PCDHGA3: variants seen among roughly 807,000 people sequenced by gnomAD.
The protein encoded by PCDHGA3 is protocadherin gamma subfamily A, 3, also known as protocadherin gamma-A3.
PCDHGA3 carries 40 observed loss-of-function variants against 58.5 expected under a neutral mutation model. That is an observed-to-expected ratio of 0.68 (90% CI 0.53 to 0.89). PCDHGA3 has a LOEUF of 0.89. PCDHGA3 is among the 40% of genes least tolerant of loss of function. PCDHGA3 has a pLI of 0.00. For synonymous variants in PCDHGA3, 530 were observed against 525.7 expected (o/e 1.01, Z -0.11); for missense variants, 1,223 against 1,195.9 (o/e 1.02, Z -0.33).
Position 141,343,891 on chromosome 5 carries a change from C to T in PCDHGA3, c.-143C>T. On this transcript the variant is annotated 5_prime_UTR_variant, in exon 1 of 4. Coordinates refer to ENST00000253812, the MANE Select transcript of PCDHGA3 (RefSeq NM_018916.4). ...ATCAGACTCAGAAGATCCGGGGCGG[C>T]TGCCAACCTCACCTCTTAGTCAACC... The T allele has an allele frequency of 1.4e-6, 1 of 710,658 alleles. No homozygotes were observed. The highest frequency in any genetic ancestry group is 2.2e-6 in the Non-Finnish European group (1 of 444,872). 44.0% of individuals were successfully genotyped at this position (710,658 alleles called of 1,614,324 possible). A position where few individuals can be genotyped will look rare whatever the true frequency, so the allele number is the denominator to read the frequency against.
Position 141,477,691 on chromosome 5 carries a change from A to G in PCDHGA3, c.2425-17116A>G, listed in dbSNP as rs1315811441. 6.2e-7 allele frequency: 1 copy of G among 1,614,188 alleles called. No homozygotes were observed. Among genetic ancestry groups the G allele is most frequent in the South Asian group, 1.1e-5 (1 of 91,090 alleles). On this transcript the variant is annotated intron_variant, in intron 1 of 3. Coordinates refer to ENST00000253812, the MANE Select transcript of PCDHGA3 (RefSeq NM_018916.4). This position sits in a 1 kb window ranked among gnomAD's most constrained non-coding sequence, Gnocchi z 4.9. ...GCATAGTGTCATCCTTAGTGCCCCT[A>G]GACTATGAGGATCGGCGGGAATTTG...
At chr5:141,450,006 C>CTT (rs1554136305) in intron 1 of PCDHGA3, among the ~76,000 whole-genome samples, 6 of 132,984 alleles carry the variant, frequency 4.5e-5, no homozygotes, top group East Asian at 2.2e-4. Flanking sequence ...TGCCATGTCT[C>CTT]TTTTTTTTTT....
At chr5:141,369,758 C>T (rs1027847213) in intron 1 of PCDHGA3, among the ~76,000 whole-genome samples, 1 of 152,184 alleles carries the variant, frequency 6.6e-6, no homozygotes, top group African/African-American at 2.4e-5. Context: ...TAAGAATACA[C>T]GTGAAGCTGA....
chr5:141,415,136 G>C (rs763832284), intron 1 of PCDHGA3: 1 of 1,613,548 alleles, frequency 6.2e-7, no homozygotes, highest in Admixed American at 1.7e-5. Flanking sequence ...CAGGACCACG[G>C]CCAGCCCCCT....
intron 1 of PCDHGA3, 96 bp from the exon 2 acceptor site, chr5:141,494,711 A>T (rs757105958): frequency 6.3e-7 from 1 of 1,599,616 alleles, no homozygotes; most frequent in Non-Finnish European, 8.5e-7. Context: ...CTCTGTGCCC[A>T]CTCCCCTCCT....
rs146372628 is a variant in PCDHGA3, at chr5:141,476,246, G to A, written c.2425-18561G>A. On this transcript the variant is annotated intron_variant, in intron 1 of 3. Coordinates refer to ENST00000253812, the MANE Select transcript of PCDHGA3 (RefSeq NM_018916.4). The surrounding 1 kb of genome is among the most constrained non-coding windows in gnomAD (Gnocchi z 7.6). ...TGAGATCCCGGAGGAAAGAGAGAAG[G>A]GTTTCGCTGTGGGCAACGTGGTCGC... 1.0e-3 allele frequency: 1,689 copies of A among 1,613,996 alleles called. 1 individual carries two copies. Among genetic ancestry groups the A allele is most frequent in the Non-Finnish European group, 1.3e-3 (1,557 of 1,180,008 alleles).
intron 1 of PCDHGA3, chr5:141,404,993 C>G (rs1159647700): frequency 6.2e-7 from 1 of 1,613,850 alleles, no homozygotes; most frequent in Non-Finnish European, 8.5e-7. Flanking sequence ...TCTTCAGATC[C>G]CTGCAGACCT....
rs770154641 is a variant in PCDHGA3, at chr5:141,372,296, C to T, written c.2424+25839C>T. ...TGCGCACGGCGCGTACCTTGGGCGA[C>T]AGGGAGGCCGCCCGCCAGCGCCTGC... On this transcript the variant is annotated intron_variant, in intron 1 of 3. Coordinates refer to ENST00000253812, the MANE Select transcript of PCDHGA3 (RefSeq NM_018916.4). 5 of 1,613,184 alleles carry T rather than the reference C, an allele frequency of 3.1e-6. No individual in the cohort carries two copies. The African/African-American group carries it at 5.3e-5, about 17-fold the overall frequency.
intron 1 of PCDHGA3, among the ~76,000 whole-genome samples, chr5:141,439,422 A>C (rs1476209707): frequency 6.6e-6 from 1 of 152,188 alleles, no homozygotes; most frequent in Non-Finnish European, 1.5e-5. Context: ...TGAGGTTATA[A>C]ATTCCCAGGA....
intron 1 of PCDHGA3, among the ~76,000 whole-genome samples, chr5:141,433,989 T>C (rs898601470): frequency 6.6e-6 from 1 of 152,248 alleles, no homozygotes; most frequent in Non-Finnish European, 1.5e-5. Context: ...AGAAGAGTTT[T>C]ATATTCTCTA....
At chr5:141,469,424 AC>A (rs1173507321) in intron 1 of PCDHGA3, among the ~76,000 whole-genome samples, 1 of 151,864 alleles carries the variant, frequency 6.6e-6, no homozygotes, top group East Asian at 1.9e-4. Context: ...AAAATATAAA[AC>A]TTAGCTGGGC....
chr5:141,390,437 T>C (rs1182289355), intron 1 of PCDHGA3: 42 of 933,186 alleles, frequency 4.5e-5, no homozygotes, highest in Non-Finnish European at 6.5e-5. Flanking sequence ...CATATCATTC[T>C]ACAAAGGAGG....
At chr5:141,421,966 G>A in intron 1 of PCDHGA3, 1 of 1,610,918 alleles carries the variant, frequency 6.2e-7, no homozygotes, top group Non-Finnish European at 8.5e-7. Flanking sequence ...TACACAGTCC[G>A]TATATCGCGT....
intron 1 of PCDHGA3, chr5:141,352,671 T>C: frequency 6.3e-7 from 1 of 1,579,386 alleles, no homozygotes; most frequent in Non-Finnish European, 8.6e-7. Context: ...TCTTCGCACG[T>C]GAGTTTCTGC....
chr5:141,366,653 T>TACGCAGAC (rs781417459), intron 1 of PCDHGA3: 2 of 1,614,240 alleles, frequency 1.2e-6, no homozygotes, highest in East Asian at 4.5e-5. Context: ...CCAGCCCAAC[T>TACGCAGAC]ACGCAGACAC....
chr5:141,479,636 CA>C (rs1397283180), intron 1 of PCDHGA3: 1 of 152,080 alleles, frequency 6.6e-6, no homozygotes, highest in African/African-American at 2.4e-5. Flanking sequence ...TTAACAATAA[CA>C]ACAACAACAA....
intron 1 of PCDHGA3, among the ~76,000 whole-genome samples, chr5:141,455,130 A>G (rs1446894125): frequency 6.6e-6 from 1 of 150,872 alleles, no homozygotes; most frequent in South Asian, 2.1e-4. Flanking sequence ...GTTTTAAATT[A>G]CACTGTGTTA....
chr5:141,398,931 C>T, intron 1 of PCDHGA3: 2 of 1,613,956 alleles, frequency 1.2e-6, no homozygotes, highest in East Asian at 4.5e-5. Context: ...CAGCCACTGA[C>T]CAAGACGAGG....
intron 1 of PCDHGA3, among the ~76,000 whole-genome samples, chr5:141,447,165 G>T (rs1192617600): frequency 6.6e-6 from 1 of 151,842 alleles, no homozygotes; most frequent in African/African-American, 2.4e-5. Flanking sequence ...TTTAAGCGGG[G>T]TCTTGCTCTT....
Sources: gnomAD v4.1 joint callset for allele counts (sites outside exome capture counted in the v4.1 genomes callset) on GRCh38, gnomAD v4.1.1 for gene constraint, Gnocchi (gnomAD v3.1) non-coding constraint, MANE v1.5 for transcripts, NCBI Gene and HGNC (gene_info 2026-07-23, HGNC 2026-07-21) for gene names.